The following ASTN2 variants were observed in gnomAD, a reference collection of about 807,000 sequenced individuals.
ASTN2 encodes the protein astrotactin-2.
In ASTN2, 54 loss-of-function variants were observed where a neutral mutation model predicts 139.8. The ratio of observed to expected loss-of-function variants is 0.39; its 90% CI spans 0.31 to 0.48. The LOEUF (loss-of-function observed/expected upper bound fraction) is 0.48, where lower values mean the gene tolerates loss of function less well. Among genes scored for constraint, ASTN2 ranks in the 20% least tolerant of loss-of-function variants. ASTN2 has a pLI of 0.95. For missense variants in ASTN2, 1,565 were observed against 1,725.1 expected (o/e 0.91, Z 1.64); for synonymous variants, 756 against 719.5 (o/e 1.05, Z -0.81).
intron 1 of ASTN2, among the ~76,000 whole-genome samples, chr9:117,369,319 T>C (rs1829929813): frequency 6.6e-6 from 1 of 152,186 alleles, no homozygotes; most frequent in South Asian, 2.1e-4. Context: ...CTATTTTTAA[T>C]ATTATCATTA....
chr9:116,982,523 C>A (rs1347446539), intron 7 of ASTN2, among the ~76,000 whole-genome samples: 1 of 151,378 alleles, frequency 6.6e-6, no homozygotes, highest in Non-Finnish European at 1.5e-5. Flanking sequence ...ACCCAAAAGA[C>A]CACAGTTTCT....
At chr9:116,616,609 TTTTA>T (rs1426608890) in intron 19 of ASTN2, among the ~76,000 whole-genome samples, 1 of 151,970 alleles carries the variant, frequency 6.6e-6, no homozygotes, top group Non-Finnish European at 1.5e-5. Flanking sequence ...TTACATTGTT[TTTTA>T]TTTGTTTGTT....
chr9:116,863,140 C>T (rs117790619), intron 11 of ASTN2, among the ~76,000 whole-genome samples: 1,562 of 152,172 alleles, frequency 0.01, 13 homozygotes, highest in South Asian at 0.05. Flanking sequence ...CAAAAGCCAA[C>T]GTCCCAAGGA....
In ASTN2 at chr9:116,620,449, C is replaced by T. The variant is rs767486394; in HGVS notation, c.3073-6G>A. The T allele has an allele frequency of 1.2e-6, 2 of 1,611,600 alleles. No individual in the cohort carries two copies. Among genetic ancestry groups the T allele is most frequent in the African/African-American group, 2.7e-5 (2 of 74,508 alleles). ...ATCAGTGCACTCTTGAAGGCCTGGA[C>T]AAAAAAAGAGGACAGAATAGACAAT... On this transcript the variant is annotated splice_polypyrimidine_tract_variant and splice_region_variant and intron_variant, in intron 17 of 22. Transcript: ENST00000313400.
intron 16 of ASTN2, among the ~76,000 whole-genome samples, chr9:116,717,213 G>A (rs533995603): frequency 5.4e-4 from 82 of 152,180 alleles, no homozygotes; most frequent in Non-Finnish European, 4.0e-4. Context: ...CACATACAGA[G>A]GATTATTATT....
At chr9:117,400,177 C>A (rs1236663853) in intron 1 of ASTN2, among the ~76,000 whole-genome samples, 1 of 152,142 alleles carries the variant, frequency 6.6e-6, no homozygotes, top group Non-Finnish European at 1.5e-5. Flanking sequence ...AAAAGGACTG[C>A]CATTTATTTA....
intron 10 of ASTN2, among the ~76,000 whole-genome samples, chr9:116,916,668 C>G (rs546231783): frequency 6.6e-6 from 1 of 151,962 alleles, no homozygotes; most frequent in East Asian, 1.9e-4. Flanking sequence ...AAGTGAGACC[C>G]GTCTCTACAA....
chr9:117,254,167 A>C (rs1263033675), intron 2 of ASTN2, among the ~76,000 whole-genome samples: 1 of 152,142 alleles, frequency 6.6e-6, no homozygotes, highest in Non-Finnish European at 1.5e-5. Flanking sequence ...AATAATAGGT[A>C]CCATAGAATG....
chr9:116,935,987 G>T, intron 10 of ASTN2, among the ~76,000 whole-genome samples: 1 of 104,194 alleles, frequency 9.6e-6, no homozygotes, highest in African/African-American at 3.8e-5. Context: ...TTAGTGAATG[G>T]CAGACCTGGG....
At chr9:116,990,125 A>G (rs1442048310) in intron 7 of ASTN2, among the ~76,000 whole-genome samples, 1 of 152,188 alleles carries the variant, frequency 6.6e-6, no homozygotes, top group Non-Finnish European at 1.5e-5. Flanking sequence ...TTATCCACAA[A>G]TATAAAAAAG....
intron 19 of ASTN2, among the ~76,000 whole-genome samples, chr9:116,513,654 G>T (rs980742194): frequency 6.6e-5 from 10 of 152,026 alleles, no homozygotes; most frequent in Non-Finnish European, 1.5e-4. Context: ...ACGTAGATTT[G>T]GTCTTTTCAC....
At chr9:116,640,733 A>T (rs1459450196) in intron 17 of ASTN2, among the ~76,000 whole-genome samples, 1 of 152,238 alleles carries the variant, frequency 6.6e-6, no homozygotes, top group Non-Finnish European at 1.5e-5. Flanking sequence ...GAGCAACTGG[A>T]AGTCGATAAA....
At chr9:116,912,611 G>A (rs569474450) in intron 10 of ASTN2, among the ~76,000 whole-genome samples, 24 of 152,204 alleles carry the variant, frequency 1.6e-4, no homozygotes, top group Admixed American at 3.9e-4. Context: ...TATTTCATCC[G>A]GAGAATGATT....
intron 19 of ASTN2, among the ~76,000 whole-genome samples, chr9:116,540,235 T>G (rs1014949888): frequency 6.6e-6 from 1 of 152,208 alleles, no homozygotes; most frequent in Non-Finnish European, 1.5e-5. Flanking sequence ...TTTATTCATG[T>G]CTGGTGGGAA....
rs1831266452 is a variant in ASTN2 at position 117,414,438 on chromosome 9, G to A, written c.442+59C>T. The A allele has an allele frequency of 2.5e-6, 4 of 1,594,918 alleles. No individual in the cohort carries two copies. Among genetic ancestry groups the A allele is most frequent in the Non-Finnish European group, 3.4e-6 (4 of 1,170,984 alleles). On this transcript the variant is annotated intron_variant, in intron 1 of 22. Transcript: ENST00000313400. The surrounding 1 kb of genome is among the most constrained non-coding windows in gnomAD (Gnocchi z 4.2). The stretch of plus-strand genomic sequence containing the variant: ...TCCCCAGGGCGCCCCCACCCGTCCG[G>A]CATGACGCAGGGGCTCGGGGTTCCT...
rs3736950 is a variant in ASTN2, at chr9:116,729,140, C to T, written c.2522-44G>A. On this transcript the variant is annotated intron_variant, in intron 14 of 22. Coordinates refer to ENST00000313400, the MANE Select transcript of ASTN2 (RefSeq NM_001365068.1). The stretch of plus-strand genomic sequence containing the variant: ...TGGTCACGTGAGCCCAGAATTAAGA[C>T]GCTTCACACCACATTGTTCACCCTG... The T allele has an allele frequency of 9.8e-3, 13,823 of 1,408,838 alleles. 1,004 individuals carry two copies. In the South Asian group the frequency reaches 0.14, roughly 15 times the overall value. 87.3% of individuals were successfully genotyped at this position (1,408,838 alleles called of 1,614,324 possible).
intron 19 of ASTN2, among the ~76,000 whole-genome samples, chr9:116,502,749 G>A (rs1336336862): frequency 1.2e-5 from 1 of 82,016 alleles, no homozygotes; most frequent in East Asian, 3.3e-4. Flanking sequence ...GAATGAATGA[G>A]GGAAGGAAGG....
intron 16 of ASTN2, among the ~76,000 whole-genome samples, chr9:116,707,772 C>T (rs546213622): frequency 6.6e-6 from 1 of 152,304 alleles, no homozygotes; most frequent in African/African-American, 2.4e-5. Flanking sequence ...GTTGTCAACC[C>T]TTCATAGCCT....
In ASTN2 at chr9:116,514,992, C is replaced by T. The variant is rs1406983472; in HGVS notation, c.3356-27492G>A. ...GCTTTGGCTCACGCTTGGTGTGCTG[C>T]ACCCACTGTCCTGCACCCACTGTCC... On this transcript the variant is annotated intron_variant, in intron 19 of 22. Coordinates refer to ENST00000313400, the MANE Select transcript of ASTN2 (RefSeq NM_001365068.1). Among the ~76,000 whole-genome samples the T allele has an allele frequency of 2.6e-5, 4 of 152,012 alleles. No individual in the cohort carries two copies. In the East Asian group the frequency reaches 7.8e-4, roughly 30 times the overall value.
Sources: gnomAD v4.1 joint callset for allele counts (sites outside exome capture counted in the v4.1 genomes callset) on GRCh38, gnomAD v4.1.1 for gene constraint, Gnocchi (gnomAD v3.1) non-coding constraint, MANE v1.5 for transcripts, NCBI Gene and HGNC (gene_info 2026-07-23, HGNC 2026-07-21) for gene names.